The following TDRD9 variants were observed in gnomAD, a reference collection of about 807,000 sequenced individuals.
TDRD9 encodes the protein ATP-dependent RNA helicase TDRD9.
Under a neutral mutation model 172.6 loss-of-function variants are expected in TDRD9, and 124 were observed. The observed-to-expected ratio is 0.72, with a 90% CI of 0.62 to 0.83. The LOEUF is 0.83. Ranked by LOEUF, TDRD9 falls within the 40% of genes least tolerant of loss-of-function variation. TDRD9 has a pLI of 0.00. For missense variants in TDRD9, 1,479 were observed against 1,714.1 expected (o/e 0.86, Z 2.42); for synonymous variants, 619 against 617.1 (o/e 1.00, Z -0.05).
At chr14:104,015,203 A>C (rs775632870) in intron 21 of TDRD9, among the ~76,000 whole-genome samples, 1 of 152,108 alleles carries the variant, frequency 6.6e-6, no homozygotes, top group Non-Finnish European at 1.5e-5. Flanking sequence ...TATATCGTTC[A>C]GTGTATATAG....
intron 1 of TDRD9, among the ~76,000 whole-genome samples, chr14:103,952,206 ATATATATATATATATTTTTTTT>A (rs1566734659): frequency 1.0e-4 from 8 of 77,120 alleles, no homozygotes; most frequent in Admixed American, 3.0e-4. Context: ...ATATATATAT[ATATATATATATATATTTTTTTT>A]TTTTTTTTTT....
chr14:104,040,844 A>G (rs1442099177), intron 33 of TDRD9, among the ~76,000 whole-genome samples: 3 of 152,272 alleles, frequency 2.0e-5, no homozygotes, highest in East Asian at 1.9e-4. Flanking sequence ...CAAGGCAGAC[A>G]GGGAAACTGT....
intron 20 of TDRD9, among the ~76,000 whole-genome samples, chr14:104,012,689 A>C (rs1445367197): frequency 2.0e-5 from 3 of 152,096 alleles, no homozygotes; most frequent in African/African-American, 7.2e-5. Flanking sequence ...GATTTTTGAC[A>C]TTCCTGTCTA....
intron 3 of TDRD9, 65 bp downstream of exon 3, chr14:103,963,241 G>A (rs2032592952): frequency 4.9e-6 from 6 of 1,226,256 alleles, no homozygotes; most frequent in Non-Finnish European, 5.7e-6. Flanking sequence ...CAATACTTTT[G>A]GTTTCTAATT....
chr14:103,944,326 T>A (rs2031440917), intron 1 of TDRD9, among the ~76,000 whole-genome samples: 1 of 152,172 alleles, frequency 6.6e-6, no homozygotes, highest in Non-Finnish European at 1.5e-5. Flanking sequence ...TCAGCTTTGG[T>A]TCAACTGTTT....
intron 30 of TDRD9, among the ~76,000 whole-genome samples, chr14:104,033,560 G>A (rs757381234): frequency 1.3e-5 from 2 of 152,208 alleles, no homozygotes; most frequent in Non-Finnish European, 2.9e-5. Context: ...CTTCTGCTGA[G>A]GGGTGACAGA....
At chr14:104,038,333 ACT>A (rs1249199302) in intron 32 of TDRD9, among the ~76,000 whole-genome samples, 59 of 152,176 alleles carry the variant, frequency 3.9e-4, no homozygotes, top group Non-Finnish European at 7.3e-4. Context: ...TTAAAAGAAG[ACT>A]CTCACTGTTT....
At chr14:104,004,480 G>C (rs2034371614) in intron 14 of TDRD9, 145 bp downstream of exon 14, 2 of 466,362 alleles carry the variant, frequency 4.3e-6, no homozygotes, top group African/African-American at 3.9e-5. Context: ...CCGGGTTTAC[G>C]CGATTCTGCT....
At chr14:103,960,794 C>G (rs778505154) in intron 2 of TDRD9, among the ~76,000 whole-genome samples, 1 of 152,198 alleles carries the variant, frequency 6.6e-6, no homozygotes, top group Non-Finnish European at 1.5e-5. Flanking sequence ...TGTAAAATTT[C>G]TGTCTTTAAG....
chr14:103,931,288 G>T (rs1435818279), intron 1 of TDRD9, among the ~76,000 whole-genome samples: 1 of 138,758 alleles, frequency 7.2e-6, no homozygotes, highest in South Asian at 2.3e-4. Context: ...GACAGAATGA[G>T]ACCCTGTCTC....
chr14:103,929,375 G>T, intron 1 of TDRD9, among the ~76,000 whole-genome samples: 1 of 151,968 alleles, frequency 6.6e-6, no homozygotes, highest in Admixed American at 6.6e-5. Flanking sequence ...CTGTCACTTA[G>T]TATTAGTATG....
chr14:104,043,092 A>G (rs1277449106), intron 34 of TDRD9, among the ~76,000 whole-genome samples: 1 of 151,990 alleles, frequency 6.6e-6, no homozygotes, highest in African/African-American at 2.4e-5. Context: ...TGGTGCGAGC[A>G]TGGTTCACTG....
intron 6 of TDRD9, 35 bp downstream of exon 6, chr14:103,970,656 G>A: frequency 6.8e-7 from 1 of 1,463,078 alleles, no homozygotes; most frequent in South Asian, 1.2e-5. Context: ...GACATATTTA[G>A]GATTAAGATT....
intron 34 of TDRD9, among the ~76,000 whole-genome samples, chr14:104,044,869 G>A (rs61997596): frequency 0.13 from 19,955 of 152,242 alleles, 1,714 homozygotes; most frequent in East Asian, 0.28. Flanking sequence ...AGGGCCAGAC[G>A]TATTGGCTTA....
chr14:103,966,131 G>A (rs918705149), intron 4 of TDRD9, among the ~76,000 whole-genome samples: 2 of 152,132 alleles, frequency 1.3e-5, no homozygotes, highest in Non-Finnish European at 2.9e-5. Context: ...AGAAGTTTGA[G>A]ACCAGCCTGG....
intron 1 of TDRD9, among the ~76,000 whole-genome samples, chr14:103,952,132 G>A (rs1251423910): frequency 7.8e-6 from 1 of 127,732 alleles, no homozygotes; most frequent in Admixed American, 8.6e-5. Flanking sequence ...ATATATACAC[G>A]TATATATATA....
intron 6 of TDRD9, among the ~76,000 whole-genome samples, chr14:103,974,707 C>T (rs1555367478): frequency 1.3e-5 from 2 of 152,098 alleles, no homozygotes; most frequent in Non-Finnish European, 2.9e-5. Flanking sequence ...GTGGTGTGAT[C>T]ATAGATCACT....
intron 33 of TDRD9, among the ~76,000 whole-genome samples, chr14:104,041,272 A>G (rs1333787757): frequency 6.6e-6 from 1 of 152,218 alleles, no homozygotes; most frequent in Admixed American, 6.5e-5. Context: ...TAAAACTATT[A>G]AAGTGCTACA....
At position 103,965,440 on chromosome 14, in the gene TDRD9, C is replaced by A; in HGVS notation, c.528C>A (p.Arg176=). The change falls in exon 4 of 36, where the codon CGC becomes CGA. Residue 176 remains arginine, a synonymous_variant. Transcript: ENST00000409874. ...ATATCTTGGACCACTACGTTCAGCG[C>A]TCCGCCTACTGCAGCATTGTGGTCA... The part of the protein sequence containing the change: ...PQYILDHYVQ[R]SAYCSIVVTQ... 1 of 1,551,626 alleles carries A rather than the reference C, an allele frequency of 6.4e-7. No individual in the cohort carries two copies. Among genetic ancestry groups the A allele is most frequent in the Non-Finnish European group, 8.7e-7 (1 of 1,146,994 alleles).
Sources: gnomAD v4.1 joint callset for allele counts (sites outside exome capture counted in the v4.1 genomes callset) on GRCh38, gnomAD v4.1.1 for gene constraint, MANE v1.5 for transcripts, NCBI Gene and HGNC (gene_info 2026-07-23, HGNC 2026-07-21) for gene names.